The following ZC3H3 variants were observed in gnomAD, a reference collection of about 807,000 sequenced individuals.
ZC3H3 encodes zinc finger CCCH-type containing 3.
In ZC3H3, 36 loss-of-function variants were observed where a neutral mutation model predicts 77.3. That is an observed-to-expected ratio of 0.47 (90% CI 0.36 to 0.61). The LOEUF is 0.61. Among genes scored for constraint, ZC3H3 ranks in the 20% least tolerant of loss-of-function variants. The probability of loss-of-function intolerance (pLI) is 0.00; values close to 1 mark genes in which losing one functional copy is unlikely to be tolerated. For synonymous variants in ZC3H3, 626 were observed against 555.2 expected (o/e 1.13, Z -1.79); for missense variants, 1,331 against 1,312.2 (o/e 1.01, Z -0.22).
chr8:143,537,856 C>T, intron 2 of ZC3H3, 147 bp downstream of exon 2: 2 of 953,906 alleles, frequency 2.1e-6, no homozygotes, highest in South Asian at 3.2e-5. Flanking sequence ...GCCCAAACCA[C>T]CACAGCAGCA....
At chr8:143,514,247 G>A (rs1186514714) in intron 3 of ZC3H3, among the ~76,000 whole-genome samples, 4 of 152,138 alleles carry the variant, frequency 2.6e-5, no homozygotes, top group South Asian at 2.1e-4. Context: ...AAGTGCCACC[G>A]TGAGGTCCAC....
chr8:143,517,328 G>A (rs898759780), intron 3 of ZC3H3, among the ~76,000 whole-genome samples: 4 of 152,148 alleles, frequency 2.6e-5, no homozygotes, highest in Admixed American at 6.5e-5. Flanking sequence ...TGCCCTCCAC[G>A]GCTGGAGAAG....
intron 9 of ZC3H3, among the ~76,000 whole-genome samples, chr8:143,452,680 A>G (rs1229511548): frequency 6.6e-6 from 1 of 152,272 alleles, no homozygotes; most frequent in Non-Finnish European, 1.5e-5. Context: ...AAAAAATACA[A>G]TAACTGAAAT....
chr8:143,527,141 C>A (rs536320942), intron 3 of ZC3H3, among the ~76,000 whole-genome samples: 66 of 152,334 alleles, frequency 4.3e-4, no homozygotes, highest in African/African-American at 1.6e-3. Flanking sequence ...GGTGACAGAG[C>A]CTGTGTCCTG....
chr8:143,536,156 A>C, intron 3 of ZC3H3, 101 bp downstream of exon 3: 1 of 1,382,728 alleles, frequency 7.2e-7, no homozygotes, highest in Non-Finnish European at 9.7e-7. Flanking sequence ...CAGGGCCTCT[A>C]CCAGCATGAG....
At chr8:143,515,553 A>T in intron 3 of ZC3H3, among the ~76,000 whole-genome samples, 1 of 152,232 alleles carries the variant, frequency 6.6e-6, no homozygotes, top group East Asian at 1.9e-4. Context: ...TTTGGAGGGA[A>T]AGATTCGGGT....
intron 3 of ZC3H3, among the ~76,000 whole-genome samples, chr8:143,511,912 G>A (rs896515131): frequency 4.6e-5 from 7 of 152,386 alleles, no homozygotes; most frequent in Middle Eastern, 6.8e-3. Flanking sequence ...GCTGGGGAGC[G>A]GGGAGAGCTG....
intron 4 of ZC3H3, among the ~76,000 whole-genome samples, chr8:143,497,199 G>A (rs983552338): frequency 6.6e-6 from 1 of 152,214 alleles, no homozygotes; most frequent in Non-Finnish European, 1.5e-5. Context: ...CTAGTTAGGA[G>A]AGGAAAGAGG....
rs1820226949 is a variant in ZC3H3 at position 143,460,275 on chromosome 8, A to T, written c.2307+5442T>A. Reference sequence around the variant, plus strand: ...AAATAAATAAATAAATAAATAAATAAATAAATAAATAAATAAAAGGCATCC... The same window carrying T: ...AAATAAATAAATAAATAAATAAATATATAAATAAATAAATAAAAGGCATCC... On this transcript the variant is annotated intron_variant, in intron 9 of 11. Coordinates refer to ENST00000262577, the MANE Select transcript of ZC3H3 (RefSeq NM_015117.3). The surrounding 1 kb of genome is among the most constrained non-coding windows in gnomAD (Gnocchi z 4.0). 6.6e-6 allele frequency among the ~76,000 whole-genome samples: 1 copy of T among 151,442 alleles called. No homozygotes were observed. The highest frequency in any genetic ancestry group is 1.5e-5 in the Non-Finnish European group (1 of 67,846).
chr8:143,488,396 A>T (rs1211672616), intron 4 of ZC3H3, among the ~76,000 whole-genome samples: 1 of 118,882 alleles, frequency 8.4e-6, no homozygotes. Flanking sequence ...CACACAGAAC[A>T]GCACCCGCTA....
chr8:143,523,526 T>C, intron 3 of ZC3H3: 1 of 985,404 alleles, frequency 1.0e-6, no homozygotes, highest in Non-Finnish European at 1.2e-6. Context: ...TCAGGACAAC[T>C]GCCACCATCC....
intron 9 of ZC3H3, among the ~76,000 whole-genome samples, chr8:143,459,576 C>T (rs2129844152): frequency 6.6e-6 from 1 of 152,164 alleles, no homozygotes; most frequent in South Asian, 2.1e-4. Context: ...AAGGATTACA[C>T]ATCATAACCA....
At chr8:143,534,820 G>A (rs1422280623) in intron 3 of ZC3H3, among the ~76,000 whole-genome samples, 7 of 152,100 alleles carry the variant, frequency 4.6e-5, no homozygotes, top group Non-Finnish European at 5.9e-5. Flanking sequence ...ATGTCCTGGC[G>A]TGCAGCAGGT....
At chr8:143,527,074 C>A (rs1047840311) in intron 3 of ZC3H3, among the ~76,000 whole-genome samples, 5 of 152,184 alleles carry the variant, frequency 3.3e-5, no homozygotes, top group Admixed American at 2.6e-4. Flanking sequence ...GCCGTGCCCA[C>A]CCGCCACCCG....
At chr8:143,519,509 C>G (rs899488164) in intron 3 of ZC3H3, among the ~76,000 whole-genome samples, 1 of 152,058 alleles carries the variant, frequency 6.6e-6, no homozygotes, top group East Asian at 1.9e-4. Context: ...GCCTGAGCAC[C>G]CCACATCACA....
At chr8:143,496,611 A>G (rs968120800) in intron 4 of ZC3H3, among the ~76,000 whole-genome samples, 2 of 152,224 alleles carry the variant, frequency 1.3e-5, no homozygotes, top group Admixed American at 6.5e-5. Flanking sequence ...GAAAGCCACC[A>G]CTCACAGCAT....
At chr8:143,529,565 G>C (rs1285827504) in intron 3 of ZC3H3, among the ~76,000 whole-genome samples, 1 of 152,236 alleles carries the variant, frequency 6.6e-6, no homozygotes, top group Non-Finnish European at 1.5e-5. Flanking sequence ...CGAGAAGTCA[G>C]GAGGCAGCGT....
intron 4 of ZC3H3, among the ~76,000 whole-genome samples, chr8:143,497,515 A>T (rs573517195): frequency 6.6e-6 from 1 of 152,306 alleles, no homozygotes; most frequent in Non-Finnish European, 1.5e-5. Context: ...ACAGCCCAGG[A>T]CCAGCACCGC....
intron 3 of ZC3H3, among the ~76,000 whole-genome samples, chr8:143,509,767 C>A (rs1821815627): frequency 6.6e-6 from 1 of 152,208 alleles, no homozygotes; most frequent in Non-Finnish European, 1.5e-5. Flanking sequence ...CACCCTCGGG[C>A]CCCGGGGGTT....
Sources: gnomAD v4.1 joint callset for allele counts (sites outside exome capture counted in the v4.1 genomes callset) on GRCh38, gnomAD v4.1.1 for gene constraint, Gnocchi (gnomAD v3.1) non-coding constraint, MANE v1.5 for transcripts, NCBI Gene and HGNC (gene_info 2026-07-23, HGNC 2026-07-21) for gene names.